OTOG: variants seen among roughly 807,000 people sequenced by gnomAD.
OTOG encodes otogelin.
Under a neutral mutation model 313.8 loss-of-function variants are expected in OTOG, and 296 were observed. That is an observed-to-expected ratio of 0.94 (90% CI 0.86 to 1.04). The LOEUF (loss-of-function observed/expected upper bound fraction) is 1.04, where lower values mean the gene tolerates loss of function less well. Ranked by LOEUF, OTOG falls within the 50% of genes least tolerant of loss-of-function variation. OTOG has a pLI of 0.00. For missense variants in OTOG, 3,948 were observed against 3,840.1 expected (o/e 1.03, Z -0.74); for synonymous variants, 1,533 against 1,554.9 (o/e 0.99, Z 0.33).
chr11:17,584,701 T>A (rs983919771), intron 23 of OTOG, among the ~76,000 whole-genome samples: 4 of 152,178 alleles, frequency 2.6e-5, no homozygotes, highest in African/African-American at 9.7e-5. Context: ...AATTTTCATA[T>A]TTTTAGTAGA....
Position 17,638,634 on chromosome 11 carries a change from G to A in OTOG, c.7894+85G>A, listed in dbSNP as rs12290375. ...GATTGAGGGAGCCCGGCCTACCACC[G>A]TCCACTCCTCTCAGATCTGTCCCCT... On this transcript the variant is annotated intron_variant, in intron 48 of 55. Coordinates refer to ENST00000399397, the MANE Select transcript of OTOG (RefSeq NM_001292063.2). 229,538 of 1,486,938 alleles carry A rather than the reference G, an allele frequency of 0.15. 19,708 individuals are homozygous for A. The highest frequency in any genetic ancestry group is 0.18 in the Non-Finnish European group (193,689 of 1,090,030). 92.1% of individuals were successfully genotyped at this position (1,486,938 alleles called of 1,614,324 possible).
At chr11:17,587,244 T>C (rs1396723047) in intron 24 of OTOG, among the ~76,000 whole-genome samples, 1 of 152,202 alleles carries the variant, frequency 6.6e-6, no homozygotes, top group Non-Finnish European at 1.5e-5. Context: ...TGTGTGCCCC[T>C]GGATTGGATT....
intron 36 of OTOG, among the ~76,000 whole-genome samples, chr11:17,611,946 G>T (rs1157408537): frequency 6.6e-6 from 1 of 152,106 alleles, no homozygotes; most frequent in Non-Finnish European, 1.5e-5. Flanking sequence ...GATCTGCAGA[G>T]GTCTCAGGGA....
intron 23 of OTOG, among the ~76,000 whole-genome samples, chr11:17,582,117 T>C (rs1203058316): frequency 1.3e-5 from 2 of 152,234 alleles, no homozygotes; most frequent in Admixed American, 6.5e-5. Context: ...TTTGATGAAT[T>C]TTGACATCTA....
At chr11:17,553,936 C>T (rs184699949) in intron 6 of OTOG, among the ~76,000 whole-genome samples, 1 of 152,286 alleles carries the variant, frequency 6.6e-6, no homozygotes, top group Admixed American at 6.5e-5. Flanking sequence ...GCTAAACGAA[C>T]ATGTCCTGAA....
intron 23 of OTOG, 82 bp downstream of exon 23, chr11:17,578,608 A>G: frequency 9.1e-6 from 13 of 1,435,906 alleles, no homozygotes; most frequent in Non-Finnish European, 1.2e-5. Context: ...GGGCAGGGAA[A>G]ACATCACATG....
rs765690434 is a variant in OTOG at position 17,568,780 on chromosome 11, TAAAA to T, written c.1645-374_1645-371del. 1.0e-3 allele frequency among the ~76,000 whole-genome samples: 158 copies of T among 152,280 alleles called. 2 individuals carry two copies. The highest frequency in any genetic ancestry group is 3.4e-3 in the Middle Eastern group (1 of 294). On this transcript the variant is annotated intron_variant, in intron 15 of 55. Transcript: ENST00000399397. The stretch of plus-strand genomic sequence containing the variant: ...CAGGATGTGAACATGAAATGAATTA[TAAAA>T]ACACCCACAAAGGGATGAAATTAAA...
Position 17,639,410 on chromosome 11 carries a change from TTG to T in OTOG, c.7895-9_7895-8del. 1.9e-6 allele frequency: 3 copies of T among 1,550,638 alleles called. No individual in the cohort carries two copies. Among genetic ancestry groups the T allele is most frequent in the Middle Eastern group, 1.7e-4 (1 of 5,994 alleles). ...CCCTGATGAAGTGGGGCCTGGCCCC[TTG>T]TGTTTTTCAGAATGTGACTGTGACA... On this transcript the variant is annotated splice_polypyrimidine_tract_variant and intron_variant, in intron 48 of 55. Transcript: ENST00000399397.
chr11:17,642,436 T>C (rs1245777784), intron 53 of OTOG, among the ~76,000 whole-genome samples, 190 bp downstream of exon 53: 2 of 152,208 alleles, frequency 1.3e-5, no homozygotes, highest in African/African-American at 4.8e-5. Context: ...CCCTGCCTCT[T>C]CACACATCAC....
intron 23 of OTOG, among the ~76,000 whole-genome samples, chr11:17,583,080 TG>T (rs1181646856): frequency 2.6e-5 from 4 of 152,054 alleles, no homozygotes; most frequent in African/African-American, 9.6e-5. Flanking sequence ...TATTCTCCTA[TG>T]TTTTTTTCTA....
At chr11:17,599,777 T>A in intron 31 of OTOG, 80 bp downstream of exon 31, 1 of 1,476,848 alleles carries the variant, frequency 6.8e-7, no homozygotes, top group Non-Finnish European at 9.2e-7. Context: ...GCATCAGCCA[T>A]CCCGAGGCGC....
intron 13 of OTOG, 64 bp downstream of exon 13, chr11:17,560,881 GC>G: frequency 2.9e-6 from 4 of 1,392,652 alleles, no homozygotes; most frequent in Non-Finnish European, 4.0e-6. Context: ...CACGAGGGCT[GC>G]CCATCTGGGA....
intron 28 of OTOG, among the ~76,000 whole-genome samples, chr11:17,595,468 T>C (rs1420140864): frequency 6.6e-6 from 1 of 152,210 alleles, no homozygotes; most frequent in Non-Finnish European, 1.5e-5. Flanking sequence ...TCAGTTTCTG[T>C]GGGCCAGGAG....
At chr11:17,629,441 G>A in intron 40 of OTOG, 125 bp downstream of exon 40, 1 of 1,145,752 alleles carries the variant, frequency 8.7e-7, no homozygotes, top group East Asian at 2.6e-5. Context: ...GAGCAGCAGA[G>A]CTGTCAGGGC....
At position 17,645,809 on chromosome 11, in the gene OTOG, C is replaced by T. The variant is rs1247864136; in HGVS notation, c.8607C>T (p.Thr2869=). The T allele has an allele frequency of 1.7e-5, 27 of 1,550,954 alleles. No homozygotes were observed. Among genetic ancestry groups the T allele is most frequent in the Non-Finnish European group, 2.3e-5 (26 of 1,147,108 alleles). ...SASIYNYNIN[T]YARFCKCCRE... is the part of the protein sequence containing the mutation. ...GCATCTACAACTACAACATCAACAC[C>T]TATGCCCGATTCTGCAAGTGCTGCC... Residue 2869 remains threonine, a synonymous_variant, in exon 56 of 56, where the codon ACC becomes ACT. Coordinates refer to ENST00000399397, the MANE Select transcript of OTOG (RefSeq NM_001292063.2).
At chr11:17,619,739 T>C (rs940284042) in intron 39 of OTOG, among the ~76,000 whole-genome samples, 6 of 152,232 alleles carry the variant, frequency 3.9e-5, no homozygotes, top group African/African-American at 1.4e-4. Flanking sequence ...TATTATAAAC[T>C]CCACAGTAAA....
rs762052348 is a variant in OTOG, at chr11:17,634,529, G to A, written c.7480+248G>A. Among the ~76,000 whole-genome samples, 7 of 152,162 alleles carry A rather than the reference G, an allele frequency of 4.6e-5. No homozygotes were observed. The South Asian group carries it at 8.3e-4, about 18-fold the overall frequency. ...CCCCCACCTGTAGCCTTGTGGCCTC[G>A]GGCAAATTATTTCACATCCTCTGTG... On this transcript the variant is annotated intron_variant, in intron 44 of 55. Coordinates refer to ENST00000399397, the MANE Select transcript of OTOG (RefSeq NM_001292063.2).
chr11:17,645,450 A>G (rs1343216177), intron 54 of OTOG, 114 bp from the exon 55 acceptor site: 3 of 945,016 alleles, frequency 3.2e-6, no homozygotes, highest in Middle Eastern at 2.6e-4. Flanking sequence ...CATGGGTGCT[A>G]ATGCTGGAAG....
intron 38 of OTOG, among the ~76,000 whole-genome samples, chr11:17,613,202 TCTTTCTTTCTTTCTTTCTTTC>T (rs1853620743): frequency 1.1e-5 from 1 of 87,364 alleles, no homozygotes; most frequent in Non-Finnish European, 2.2e-5. Context: ...TTCTTTTCTT[TCTTTCTTTCTTTCTTTCTTTC>T]TTTCTTTCTT....
Sources: allele counts gnomAD v4.1 joint callset (sites outside exome capture counted in the v4.1 genomes callset), GRCh38; gene constraint gnomAD v4.1.1; transcripts MANE v1.5; gene names NCBI Gene and HGNC (gene_info 2026-07-23, HGNC 2026-07-21).